The following PCDHGA2 variants were observed in gnomAD, a reference collection of about 807,000 sequenced individuals.
PCDHGA2 encodes the protein protocadherin gamma subfamily A, 2.
PCDHGA2 carries 40 observed loss-of-function variants against 59.2 expected under a neutral mutation model. That is an observed-to-expected ratio of 0.68 (90% CI 0.52 to 0.88). The LOEUF is 0.88. Ranked by LOEUF, PCDHGA2 falls within the 40% of genes least tolerant of loss-of-function variation. The probability of loss-of-function intolerance (pLI) is 0.00; values close to 1 mark genes in which losing one functional copy is unlikely to be tolerated. For missense variants in PCDHGA2, 1,226 were observed against 1,204.0 expected (o/e 1.02, Z -0.27); for synonymous variants, 560 against 526.0 (o/e 1.06, Z -0.89).
chr5:141,437,881 G>A (rs1317504695), intron 1 of PCDHGA2, among the ~76,000 whole-genome samples: 4 of 152,026 alleles, frequency 2.6e-5, no homozygotes, highest in Admixed American at 2.6e-4. Flanking sequence ...GGGACTACAG[G>A]CACACGCCAC....
intron 1 of PCDHGA2, chr5:141,384,060 A>G (rs1453253478): frequency 6.2e-7 from 1 of 1,609,266 alleles, no homozygotes; most frequent in Non-Finnish European, 8.5e-7. Context: ...GCACCATTCC[A>G]GAAAACCTAC....
intron 1 of PCDHGA2, chr5:141,427,900 C>T (rs1351712272): frequency 2.5e-6 from 4 of 1,571,732 alleles, no homozygotes; most frequent in Non-Finnish European, 3.5e-6. Flanking sequence ...GGCTCGCCCG[C>T]GCTCAGCGCC....
At chr5:141,414,300 G>T in intron 1 of PCDHGA2, 7 of 1,613,560 alleles carry the variant, frequency 4.3e-6, no homozygotes, top group Non-Finnish European at 5.9e-6. Context: ...TTTTAAATGT[G>T]CATGATTTAG....
rs773340535 is a variant in PCDHGA2, at chr5:141,388,285, C to G, written c.2424+46890C>G. Reference sequence around the variant, plus strand: ...ATTAATGACCACACGCCAAAATTCACGCAAAATTCCTTTGAGCTGCAAATA... The same window carrying G: ...ATTAATGACCACACGCCAAAATTCAGGCAAAATTCCTTTGAGCTGCAAATA... On this transcript the variant is annotated intron_variant, in intron 1 of 3. Transcript: ENST00000394576. 3 of 1,613,318 alleles carry G rather than the reference C, an allele frequency of 1.9e-6. No homozygotes were observed. The Admixed American group carries it at 5.0e-5, about 27-fold the overall frequency.
chr5:141,480,371 C>T (rs1562080299), intron 1 of PCDHGA2, among the ~76,000 whole-genome samples: 1 of 151,908 alleles, frequency 6.6e-6, no homozygotes, highest in African/African-American at 2.4e-5. Flanking sequence ...GCTGTGATTG[C>T]ACCACTACAC....
intron 1 of PCDHGA2, chr5:141,433,358 CCTATCTATCTATCTAT>C (rs3074541): frequency 2.0e-4 from 99 of 504,042 alleles, no homozygotes; most frequent in East Asian, 3.1e-4. Flanking sequence ...CTACTGTCTG[CCTATCTATCTATCTAT>C]CTATCTATCT....
chr5:141,371,912 C>T (rs1768180129), intron 1 of PCDHGA2: 11 of 1,613,380 alleles, frequency 6.8e-6, no homozygotes, highest in Non-Finnish European at 9.3e-6. Context: ...CCTACGTGTC[C>T]GTGAGCGCGC....
chr5:141,339,406 C>A lies in PCDHGA2; in HGVS notation c.435C>A (p.Thr145=). The A allele has an allele frequency of 6.2e-7, 1 of 1,614,206 alleles. No homozygotes were observed. Among genetic ancestry groups the A allele is most frequent in the Non-Finnish European group, 8.5e-7 (1 of 1,180,042 alleles). Residue 145 remains threonine, a synonymous_variant, in exon 1 of 4, where the codon ACC becomes ACA. Transcript: ENST00000394576. The stretch of plus-strand genomic sequence containing the variant: ...AACTGGAGCTAAAAATCAGTGAAAC[C>A]ACTACGCCAGGATTCCGGATTCCTC... ...VEELELKISE[T]TTPGFRIPLK... is the part of the protein sequence containing the mutation.
At chr5:141,345,031 T>C in intron 1 of PCDHGA2, 1 of 1,613,958 alleles carries the variant, frequency 6.2e-7, no homozygotes, top group Non-Finnish European at 8.5e-7. Flanking sequence ...AGAGCCAAGA[T>C]TCTAGTCACG....
intron 1 of PCDHGA2, chr5:141,357,456 C>T: frequency 6.2e-7 from 1 of 1,614,204 alleles, no homozygotes; most frequent in East Asian, 2.2e-5. Flanking sequence ...TCCTGCAGAC[C>T]TATTCCCACG....
At chr5:141,375,216 T>G in intron 1 of PCDHGA2, 1 of 1,614,014 alleles carries the variant, frequency 6.2e-7, no homozygotes, top group Non-Finnish European at 8.5e-7. Flanking sequence ...GACTCTGGCC[T>G]GAATGGCCTG....
intron 1 of PCDHGA2, among the ~76,000 whole-genome samples, chr5:141,434,259 G>A (rs1452016594): frequency 6.6e-6 from 1 of 152,230 alleles, no homozygotes; most frequent in Non-Finnish European, 1.5e-5. Flanking sequence ...CATTGTGGGG[G>A]AGGTGGAAAT....
chr5:141,410,255 C>T (rs758117248), intron 1 of PCDHGA2: 26 of 1,614,030 alleles, frequency 1.6e-5, no homozygotes, highest in Non-Finnish European at 1.9e-5. Flanking sequence ...CTCTGACCCC[C>T]AGGCTGAACT....
chr5:141,450,258 T>A (rs1267755848), intron 1 of PCDHGA2, among the ~76,000 whole-genome samples: 1 of 152,096 alleles, frequency 6.6e-6, no homozygotes, highest in Non-Finnish European at 1.5e-5. Context: ...CCTCAAGTGA[T>A]CTGCCCACCT....
chr5:141,376,188 G>A (rs1772391716), intron 1 of PCDHGA2: 2 of 1,614,124 alleles, frequency 1.2e-6, no homozygotes, highest in South Asian at 2.2e-5. Context: ...GCGGTCTCCT[G>A]CGTCTTCCTG....
chr5:141,386,866 A>G (rs2150322529), intron 1 of PCDHGA2, among the ~76,000 whole-genome samples: 1 of 152,364 alleles, frequency 6.6e-6, no homozygotes, highest in East Asian at 1.9e-4. Context: ...AGCTATTGCA[A>G]TCAAACTTTC....
intron 1 of PCDHGA2, chr5:141,430,875 T>A (rs1323872183): frequency 6.3e-7 from 1 of 1,599,400 alleles, no homozygotes; most frequent in Non-Finnish European, 8.5e-7. Context: ...CCGGAAGAGC[T>A]GGAGAAAGGC....
chr5:141,371,310 G>T, intron 1 of PCDHGA2: 2 of 1,613,992 alleles, frequency 1.2e-6, no homozygotes, highest in Non-Finnish European at 1.7e-6. Flanking sequence ...CACTATTGGA[G>T]AACTGGACTT....
At position 141,351,194 on chromosome 5, in the gene PCDHGA2, G is replaced by A. The variant is rs1434678483; in HGVS notation, c.2424+9799G>A. ...GGATTTTGAAGAGACAAGTAGATAT[G>A]TGTTGAGTGTGGAAGCTAAGGATGG... On this transcript the variant is annotated intron_variant, in intron 1 of 3. Transcript: ENST00000394576. 5.0e-6 allele frequency: 8 copies of A among 1,613,944 alleles called. No homozygotes were observed. Among genetic ancestry groups the A allele is most frequent in the Non-Finnish European group, 6.8e-6 (8 of 1,179,900 alleles).
Sources: gnomAD v4.1 joint callset for allele counts (sites outside exome capture counted in the v4.1 genomes callset) on GRCh38, gnomAD v4.1.1 for gene constraint, MANE v1.5 for transcripts, NCBI Gene and HGNC (gene_info 2026-07-23, HGNC 2026-07-21) for gene names.